Variants in NPR2 observed in about 807,000 individuals in gnomAD.
NPR2 encodes the protein atrial natriuretic peptide receptor 2.
In NPR2, 49 loss-of-function variants were observed where a neutral mutation model predicts 120.7. The ratio of observed to expected loss-of-function variants is 0.41; its 90% CI spans 0.32 to 0.52. The LOEUF (loss-of-function observed/expected upper bound fraction) is 0.52, where lower values mean the gene tolerates loss of function less well. Among genes scored for constraint, NPR2 ranks in the 20% least tolerant of loss-of-function variants. The pLI, the probability that NPR2 is intolerant of heterozygous loss-of-function variation, is 0.36. For missense variants in NPR2, 931 were observed against 1,362.9 expected, an observed-to-expected ratio of 0.68 and a Z score of 4.99; for synonymous variants, 484 against 519.8, an observed-to-expected ratio of 0.93 and a Z score of 0.94.
rs935107699 is a variant in NPR2, at chr9:35,792,486, G to C, written c.78G>C (p.Thr26=). Residue 26 remains threonine, a synonymous_variant, in exon 1 of 22, where the codon ACG becomes ACC. Coordinates refer to ENST00000342694, the MANE Select transcript of NPR2 (RefSeq NM_003995.4). ...GVRPPGARNL[T]LAVVLPEHNL... Reference sequence around the variant, plus strand: ...GTCCTCCCGGGGCGCGGAACCTGACGCTGGCGGTGGTGCTGCCAGAACACA... The same window carrying C: ...GTCCTCCCGGGGCGCGGAACCTGACCCTGGCGGTGGTGCTGCCAGAACACA... The C allele has an allele frequency of 6.2e-7, 1 of 1,610,556 alleles. No homozygotes were observed. Among genetic ancestry groups the C allele is most frequent in the Non-Finnish European group, 8.5e-7 (1 of 1,179,894 alleles).
chr9:35,804,233 CTTTTTT>C (rs11328092), intron 12 of NPR2, among the ~76,000 whole-genome samples: 6 of 139,506 alleles, frequency 4.3e-5, no homozygotes, highest in African/African-American at 1.6e-4. Context: ...ATCATTAAGA[CTTTTTT>C]TTTTTTTTTT....
intron 2 of NPR2, 117 bp downstream of exon 2, chr9:35,794,220 T>A: frequency 1.1e-6 from 1 of 925,540 alleles, no homozygotes; most frequent in Non-Finnish European, 1.6e-6. Context: ...GCCACAGGAG[T>A]AAAATGAACA....
intron 2 of NPR2, among the ~76,000 whole-genome samples, chr9:35,798,017 A>T (rs1227719365): frequency 6.6e-6 from 1 of 152,142 alleles, no homozygotes; most frequent in Admixed American, 6.6e-5. Context: ...AATTTCTAAG[A>T]TGGTCAATAT....
intron 1 of NPR2, among the ~76,000 whole-genome samples, chr9:35,793,437 C>G (rs965558412): frequency 3.3e-5 from 5 of 152,170 alleles, no homozygotes; most frequent in African/African-American, 1.2e-4. Context: ...AGCTACCACC[C>G]AGACTGGGCG....
rs1411285965 is a variant in NPR2 at position 35,807,007 on chromosome 9, C to T, written c.2520-16C>T. ...CTCTCTTGGAGTTTGGCTCATACGG[C>T]ACCCTTGCTTCCTAGTTCAGTGGCA... On this transcript the variant is annotated splice_polypyrimidine_tract_variant and intron_variant, in intron 16 of 21. Transcript: ENST00000342694. 1.9e-6 allele frequency: 3 copies of T among 1,614,014 alleles called. No homozygotes were observed. The highest frequency in any genetic ancestry group is 2.5e-6 in the Non-Finnish European group (3 of 1,179,896).
Position 35,802,099 on chromosome 9 carries a change from C to G in NPR2, c.1632+99C>G. 2.2e-6 allele frequency: 3 copies of G among 1,347,250 alleles called. No homozygotes were observed. The highest frequency in any genetic ancestry group is 2.9e-5 in the African/African-American group (2 of 69,532). The allele number at this position is 1,347,250 out of a possible 1,614,324, so 83.5% of individuals were successfully genotyped here. A position where few individuals can be genotyped will look rare whatever the true frequency, so the allele number is the denominator to read the frequency against. The stretch of plus-strand genomic sequence containing the variant: ...GAACCTCTGTCCCTCATACCCGACT[C>G]TCTGTGCCCAGCTGAGCTCCTGGGT... On this transcript the variant is annotated intron_variant, in intron 9 of 21. Transcript: ENST00000342694. This position sits in a 1 kb window ranked among gnomAD's most constrained non-coding sequence, Gnocchi z 4.2.
chr9:35,801,365 A>G (rs1828149166), intron 7 of NPR2, among the ~76,000 whole-genome samples: 1 of 152,174 alleles, frequency 6.6e-6, no homozygotes, highest in African/African-American at 2.4e-5. Context: ...CCTAGACTGG[A>G]TATACTAACT....
chr9:35,800,538 A>G lies in NPR2; in HGVS notation c.1218+55A>G. ...GTGGCCCTGCAAAATCCAGCTTTCA[A>G]GGGTTCAGTCGGGGCAGAACCAAAA... On this transcript the variant is annotated intron_variant, in intron 5 of 21. Coordinates refer to ENST00000342694, the MANE Select transcript of NPR2 (RefSeq NM_003995.4). This position sits in a 1 kb window ranked among gnomAD's most constrained non-coding sequence, Gnocchi z 4.7. 1 of 1,580,010 alleles carries G rather than the reference A, an allele frequency of 6.3e-7. No homozygotes were observed.
chr9:35,806,958 CT>C lies in NPR2; in HGVS notation c.2520-62del. 1 of 1,585,234 alleles carries C rather than the reference CT, an allele frequency of 6.3e-7. No homozygotes were observed. The highest frequency in any genetic ancestry group is 8.7e-7 in the Non-Finnish European group (1 of 1,155,398). On this transcript the variant is annotated intron_variant, in intron 16 of 21. Transcript: ENST00000342694. This position sits in a 1 kb window ranked among gnomAD's most constrained non-coding sequence, Gnocchi z 4.6. ...CTCATCTCTGCTGCAGCCACATACA[CT>C]TTCCCTCTCTCTTCCACTCCTGCTC...
rs764163202 is a variant in NPR2 at position 35,801,683 on chromosome 9, C to T, written c.1477C>T (p.Arg493Cys). 5.0e-6 allele frequency: 8 copies of T among 1,613,994 alleles called. No individual in the cohort carries two copies. The highest frequency in any genetic ancestry group is 2.2e-5 in the East Asian group (1 of 44,880). The change falls in exon 8 of 22, where the codon CGT becomes TGT. Residue 493 changes from arginine (R) to cysteine (C), a missense_variant. Arg to Cys is a radical substitution (Grantham distance 180). Coordinates refer to ENST00000342694, the MANE Select transcript of NPR2 (RefSeq NM_003995.4). ...LEKELASMLW[R>C]IRWEELQFGN... Reference sequence around the variant, plus strand: ...GAAGGAGCTGGCTAGCATGTTGTGGCGTATTCGCTGGGAAGAACTGCAGTT... The same window carrying T: ...GAAGGAGCTGGCTAGCATGTTGTGGTGTATTCGCTGGGAAGAACTGCAGTT...
At chr9:35,796,551 TC>T (rs1827949921) in intron 2 of NPR2, among the ~76,000 whole-genome samples, 2 of 152,058 alleles carry the variant, frequency 1.3e-5, no homozygotes, top group South Asian at 4.2e-4. Context: ...CAGCCAAGAG[TC>T]CCCAGCATTA....
chr9:35,808,904 TTTC>T lies in NPR2; in HGVS notation c.2986+57_2986+59del. On this transcript the variant is annotated intron_variant, in intron 20 of 21. Transcript: ENST00000342694. This position sits in a 1 kb window ranked among gnomAD's most constrained non-coding sequence, Gnocchi z 4.0. The stretch of plus-strand genomic sequence containing the variant: ...TGTTGGCCTCAATTTATCTTGCCCT[TTTC>T]TTCTTTTCATAATCCCTCCAATTTC... 1.7e-6 allele frequency: 2 copies of T among 1,157,014 alleles called. No homozygotes were observed. Among genetic ancestry groups the T allele is most frequent in the Non-Finnish European group, 2.6e-6 (2 of 762,670 alleles). 71.7% of individuals were successfully genotyped at this position (1,157,014 alleles called of 1,614,324 possible).
Position 35,792,880 on chromosome 9 carries a change from G to T in NPR2, c.472G>T (p.Gly158Trp), listed in dbSNP as rs780448567. Residue 158 changes from glycine to tryptophan, a missense_variant, in exon 1 of 22, where the codon GGG (glycine) becomes TGG (tryptophan). Physicochemically the swap from Gly to Trp is radical, Grantham distance 184. Transcript: ENST00000342694. ...KLGEFVVTLH[G>W]HFNWTARAAL... ...GGGTGAGTTTGTGGTGACACTACAC[G>T]GGCACTTCAATTGGACTGCCCGTGC... 5 of 1,613,950 alleles carry T rather than the reference G, an allele frequency of 3.1e-6. No homozygotes were observed. The highest frequency in any genetic ancestry group is 3.3e-5 in the Admixed American group (2 of 60,004).
Position 35,799,690 on chromosome 9 carries a change from A to G in NPR2, c.946A>G (p.Arg316Gly). 1.2e-6 allele frequency: 2 copies of G among 1,614,038 alleles called. No homozygotes were observed. The highest frequency in any genetic ancestry group is 1.7e-6 in the Non-Finnish European group (2 of 1,180,000). The part of the protein sequence containing the change: ...YQEFQNRLLI[R>G]AREDFGVELG... Reference sequence around the variant, plus strand: ...GGAATTCCAGAATCGTCTGCTGATAAGAGCCCGGGAAGACTTTGGTGTGGA... The same window carrying G: ...GGAATTCCAGAATCGTCTGCTGATAGGAGCCCGGGAAGACTTTGGTGTGGA... Residue 316 changes from arginine (R) to glycine (G), a missense_variant, in exon 3 of 22, where the codon AGA (arginine) becomes GGA (glycine). Around this residue, in one of 3 missense-constraint regions of NPR2, gnomAD observed 681 missense variants for 974.3 expected, o/e 0.70. Transcript: ENST00000342694.
Position 35,802,392 on chromosome 9 carries a change from A to G in NPR2, c.1710+109A>G, listed in dbSNP as rs942798488. On this transcript the variant is annotated intron_variant, in intron 10 of 21. Transcript: ENST00000342694. This position sits in a 1 kb window ranked among gnomAD's most constrained non-coding sequence, Gnocchi z 4.2. Reference sequence around the variant, plus strand: ...AAGGGGTTGATTTATAAATGATTTTAAAATCGTAGATACAACTAAGAGAAA... The same window carrying G: ...AAGGGGTTGATTTATAAATGATTTTGAAATCGTAGATACAACTAAGAGAAA... The G allele has an allele frequency of 5.2e-6, 5 of 967,554 alleles. No individual in the cohort carries two copies. The highest frequency in any genetic ancestry group is 6.7e-6 in the Non-Finnish European group (4 of 594,144). 59.9% of individuals were successfully genotyped at this position (967,554 alleles called of 1,614,324 possible).
rs1214074903 is a variant in NPR2 at position 35,808,925 on chromosome 9, C to A, written c.2986+72C>A. 13 of 1,069,548 alleles carry A rather than the reference C, an allele frequency of 1.2e-5. No individual in the cohort carries two copies. The highest frequency in any genetic ancestry group is 1.8e-5 in the Non-Finnish European group (12 of 684,378). 66.3% of individuals were successfully genotyped at this position (1,069,548 alleles called of 1,614,324 possible). ...CCCTTTTCTTCTTTTCATAATCCCTCCAATTTCTTAATCTGAGAGACCACA... is the reference window on the plus strand; with the variant it reads ...CCCTTTTCTTCTTTTCATAATCCCTACAATTTCTTAATCTGAGAGACCACA... On this transcript the variant is annotated intron_variant, in intron 20 of 21. Coordinates refer to ENST00000342694, the MANE Select transcript of NPR2 (RefSeq NM_003995.4). This position sits in a 1 kb window ranked among gnomAD's most constrained non-coding sequence, Gnocchi z 4.0.
intron 1 of NPR2, 80 bp from the exon 2 acceptor site, chr9:35,793,818 C>G: frequency 7.2e-7 from 1 of 1,381,850 alleles, no homozygotes; most frequent in South Asian, 1.2e-5. Context: ...AGAGGGACAT[C>G]CCAGTGATTC....
At chr9:35,803,142 C>T (rs1828239510) in intron 12 of NPR2, among the ~76,000 whole-genome samples, 1 of 136,102 alleles carries the variant, frequency 7.3e-6, no homozygotes, top group Admixed American at 7.1e-5. Flanking sequence ...CTCGCTCTGT[C>T]GCCCAGGCTG....
At chr9:35,807,217 T>C in intron 17 of NPR2, 71 bp downstream of exon 17, 3 of 1,490,636 alleles carry the variant, frequency 2.0e-6, no homozygotes, top group African/African-American at 2.8e-5. Context: ...TCATTGATAA[T>C]AGGAAAGATG....
Sources: gnomAD v4.1 joint callset for allele counts (sites outside exome capture counted in the v4.1 genomes callset) on GRCh38, gnomAD v4.1.1 for gene constraint, gnomAD v4.1.1 regional missense constraint, Gnocchi (gnomAD v3.1) non-coding constraint, MANE v1.5 for transcripts, NCBI Gene and HGNC (gene_info 2026-07-23, HGNC 2026-07-21) for gene names.